The following AEN variants were observed in gnomAD, a reference collection of about 807,000 sequenced individuals.
AEN encodes the protein apoptosis enhancing nuclease.
Under a neutral mutation model 17.7 loss-of-function variants are expected in AEN, and 21 were observed. The observed-to-expected ratio is 1.19, with a 90% CI of 0.84 to 1.71. The LOEUF (loss-of-function observed/expected upper bound fraction) is 1.71. Ranked by LOEUF, AEN falls within the 40% of genes most tolerant of loss-of-function variation. The pLI, the probability that AEN is intolerant of heterozygous loss-of-function variation, is 0.00. For missense variants in AEN, 462 were observed against 435.9 expected, an observed-to-expected ratio of 1.06 and a Z score of -0.53; for synonymous variants, 190 against 173.0, an observed-to-expected ratio of 1.10 and a Z score of -0.77.
At chr15:88,611,979 TC>T in the AEN span, 1 of 443,892 alleles carries the variant, frequency 2.3e-6, no homozygotes, top group Non-Finnish European at 4.6e-6. Context: ...TGGCTATCCT[TC>T]CACGTGTTCT....
rs116343492 is a variant in AEN, at chr15:88,626,904, G to A, written c.540+155G>A. On this transcript the variant is annotated intron_variant, in intron 2 of 3. Coordinates refer to ENST00000332810, the MANE Select transcript of AEN (RefSeq NM_022767.4). ...TAGGTTCCTTCTCCATAGAACAGGG[G>A]AAATAAAAATAAAATCCTGACCTTG... 1,100 of 823,502 alleles carry A rather than the reference G, an allele frequency of 1.3e-3. 8 individuals are homozygous for A. In the African/African-American group the frequency reaches 0.017, roughly 13 times the overall value. 51.0% of individuals were successfully genotyped at this position (823,502 alleles called of 1,614,324 possible).
At chr15:88,613,350 C>A in the AEN span, among the ~76,000 whole-genome samples, 13 of 152,162 alleles carry the variant, frequency 8.5e-5, no homozygotes, top group African/African-American at 2.9e-4. Context: ...CTGCCTGAAG[C>A]CAGTGGGAAG....
chr15:88,608,320 T>C, the AEN span: 1 of 298,424 alleles, frequency 3.4e-6, no homozygotes, highest in African/African-American at 2.2e-5. Context: ...TTGCACTGAC[T>C]TGCAAGGATG....
chr15:88,627,777 G>A (rs1056864353), intron 2 of AEN: 8 of 152,188 alleles, frequency 5.3e-5, no homozygotes, highest in African/African-American at 1.9e-4. Context: ...CGTTCATTCA[G>A]TGTTTCTCAA....
chr15:88,608,472 G>T, the AEN span, among the ~76,000 whole-genome samples: 3 of 152,178 alleles, frequency 2.0e-5, no homozygotes, highest in Non-Finnish European at 4.4e-5. Flanking sequence ...AGCACACTGA[G>T]GGTCCAGAGA....
At chr15:88,612,522 T>C in the AEN span, among the ~76,000 whole-genome samples, 1 of 152,192 alleles carries the variant, frequency 6.6e-6, no homozygotes, top group African/African-American at 2.4e-5. Context: ...TCCCCCACTG[T>C]GGCAGGAATA....
At chr15:88,605,927 G>T in the AEN span, among the ~76,000 whole-genome samples, 1 of 152,106 alleles carries the variant, frequency 6.6e-6, no homozygotes, top group Admixed American at 6.6e-5. The surrounding 1 kb of genome is among the most constrained non-coding windows in gnomAD (Gnocchi z 7.6). Flanking sequence ...GACCCCACGC[G>T]GAGGAGGTCA....
At chr15:88,622,581 G>T (rs1187489510) in intron 1 of AEN, among the ~76,000 whole-genome samples, 2 of 152,216 alleles carry the variant, frequency 1.3e-5, no homozygotes, top group Admixed American at 1.3e-4. Context: ...AATCTAGGGG[G>T]TATGTGACAG....
At position 88,629,332 on chromosome 15, in the gene AEN, A is replaced by G. The variant is rs1432509441; in HGVS notation, c.647A>G (p.Tyr216Cys). ...CGGAGCCAGACCCGGGATACGACCTATGTCCCAAACTTCCTCAGCGAGCCC... is the reference window on the plus strand; with the variant it reads ...CGGAGCCAGACCCGGGATACGACCTGTGTCCCAAACTTCCTCAGCGAGCCC... Reference protein sequence around the residue: ...HPRSQTRDTTYVPNFLSEPGL... With the variant: ...HPRSQTRDTTCVPNFLSEPGL... Residue 216 changes from tyrosine to cysteine, a missense_variant, in exon 3 of 4, where the codon TAT becomes TGT. Transcript: ENST00000332810. 20 of 1,613,960 alleles carry G rather than the reference A, an allele frequency of 1.2e-5. No individual in the cohort carries two copies. The highest frequency in any genetic ancestry group is 1.5e-5 in the Non-Finnish European group (18 of 1,180,012).
chr15:88,607,370 A>G, the AEN span, among the ~76,000 whole-genome samples: 1 of 152,188 alleles, frequency 6.6e-6, no homozygotes, highest in Non-Finnish European at 1.5e-5. Context: ...TGCCCTGCCT[A>G]TGTCCATTAG....
At chr15:88,610,152 C>T in the AEN span, among the ~76,000 whole-genome samples, 8 of 152,088 alleles carry the variant, frequency 5.3e-5, no homozygotes, top group Non-Finnish European at 1.0e-4. Context: ...GCCTGTTTTT[C>T]CTAGAAATAC....
chr15:88,605,595 A>T, the AEN span, among the ~76,000 whole-genome samples: 8 of 152,192 alleles, frequency 5.3e-5, no homozygotes, highest in African/African-American at 1.9e-4. This position sits in a 1 kb window ranked among gnomAD's most constrained non-coding sequence, Gnocchi z 7.6. Context: ...TGCAGCAAAT[A>T]ACTCCAGGGA....
At chr15:88,611,974 A>G in the AEN span, 2 of 455,598 alleles carry the variant, frequency 4.4e-6, no homozygotes, top group Non-Finnish European at 9.0e-6. Context: ...CTTTTTGGCT[A>G]TCCTTCCACG....
the AEN span, among the ~76,000 whole-genome samples, chr15:88,605,579 C>T: frequency 2.0e-4 from 30 of 152,226 alleles, 1 homozygote; most frequent in Non-Finnish European, 7.3e-5. This position sits in a 1 kb window ranked among gnomAD's most constrained non-coding sequence, Gnocchi z 7.6. Context: ...TCCTACCCAC[C>T]GCAATTGCAG....
At chr15:88,606,719 C>T in the AEN span, among the ~76,000 whole-genome samples, 6 of 152,172 alleles carry the variant, frequency 3.9e-5, no homozygotes, top group African/African-American at 7.2e-5. Flanking sequence ...ACATCGATCC[C>T]GCGTAAGGCC....
intron 2 of AEN, 58 bp from the exon 3 acceptor site, chr15:88,629,167 TC>T: frequency 6.4e-7 from 1 of 1,563,206 alleles, no homozygotes. Context: ...TCAGGGCGTG[TC>T]TCCTGCCAAC....
chr15:88,613,594 G>GA, the AEN span, among the ~76,000 whole-genome samples: 1 of 151,186 alleles, frequency 6.6e-6, no homozygotes, highest in Non-Finnish European at 1.5e-5. Flanking sequence ...CTCGGGGGGG[G>GA]ATGTGGGGTG....
chr15:88,630,364 G>GTT lies in AEN; in HGVS notation c.*70_*71insTT, dbSNP rs775345426. ...GGAAGTGGGGGCCAGGAGAGCAGCGGGCACTCCTTCCTGGGCAGGGTGGGG... is the reference window on the plus strand; with the variant it reads ...GGAAGTGGGGGCCAGGAGAGCAGCGGTTGCACTCCTTCCTGGGCAGGGTGGGG... On this transcript the variant is annotated 3_prime_UTR_variant, in exon 4 of 4. Coordinates refer to ENST00000332810, the MANE Select transcript of AEN (RefSeq NM_022767.4). The surrounding 1 kb of genome is among the most constrained non-coding windows in gnomAD (Gnocchi z 5.1). 3,001 of 1,435,104 alleles carry GTT rather than the reference G, an allele frequency of 2.1e-3. 56 individuals are homozygous for GTT. The African/African-American group carries it at 0.038, about 18-fold the overall frequency. 88.9% of individuals were successfully genotyped at this position (1,435,104 alleles called of 1,614,324 possible). A position where few individuals can be genotyped will look rare whatever the true frequency, so the allele number is the denominator to read the frequency against.
upstream of AEN, among the ~76,000 whole-genome samples, chr15:88,617,533 G>T (rs761796578): frequency 5.1e-4 from 78 of 152,292 alleles, no homozygotes; most frequent in Middle Eastern, 3.4e-3. Flanking sequence ...AATTACAGGC[G>T]TGAGCCACAG....
Sources: gnomAD v4.1 joint callset for allele counts (sites outside exome capture counted in the v4.1 genomes callset) on GRCh38, gnomAD v4.1.1 for gene constraint, Gnocchi (gnomAD v3.1) non-coding constraint, MANE v1.5 for transcripts, NCBI Gene and HGNC (gene_info 2026-07-23, HGNC 2026-07-21) for gene names.